The following GALNT11 variants were observed in gnomAD, a reference collection of about 807,000 sequenced individuals.
GALNT11 encodes polypeptide N-acetylgalactosaminyltransferase 11, also known as UDP-GalNAc:polypeptide N-acetylgalactosaminyltransferase 11.
Under a neutral mutation model 72.7 loss-of-function variants are expected in GALNT11, and 47 were observed. The observed-to-expected ratio is 0.65, with a 90% CI of 0.51 to 0.82. The LOEUF (loss-of-function observed/expected upper bound fraction) is 0.82, where lower values mean the gene tolerates loss of function less well. GALNT11 is among the 40% of genes least tolerant of loss of function. The pLI, the probability that GALNT11 is intolerant of heterozygous loss-of-function variation, is 0.00. For missense variants in GALNT11, 677 were observed against 778.4 expected, an observed-to-expected ratio of 0.87 and a Z score of 1.55; for synonymous variants, 270 against 286.6, an observed-to-expected ratio of 0.94 and a Z score of 0.58.
intron 7 of GALNT11, among the ~76,000 whole-genome samples, chr7:152,112,405 G>A (rs1431760772): frequency 6.6e-6 from 1 of 152,084 alleles, no homozygotes; most frequent in Non-Finnish European, 1.5e-5. Flanking sequence ...GCTGGGCGTG[G>A]TGGCGGGTGC....
chr7:152,043,540 G>C (rs988249879), intron 1 of GALNT11, among the ~76,000 whole-genome samples: 3 of 152,136 alleles, frequency 2.0e-5, no homozygotes, highest in African/African-American at 7.2e-5. Flanking sequence ...CTGTTTATCT[G>C]GGGGGTGTAC....
At chr7:152,071,882 ACTT>A (rs1387832769) in intron 1 of GALNT11, among the ~76,000 whole-genome samples, 2 of 151,988 alleles carry the variant, frequency 1.3e-5, no homozygotes, top group Non-Finnish European at 2.9e-5. Flanking sequence ...TGTCAATTAT[ACTT>A]CTTTTAAAAA....
At chr7:152,056,328 A>G (rs1342565990) in intron 1 of GALNT11, among the ~76,000 whole-genome samples, 1 of 152,226 alleles carries the variant, frequency 6.6e-6, no homozygotes, top group Non-Finnish European at 1.5e-5. Flanking sequence ...ATGGATGTTA[A>G]TAGGATCTCG....
intron 1 of GALNT11, among the ~76,000 whole-genome samples, chr7:152,029,777 C>T (rs143888727): frequency 0.012 from 1,792 of 152,360 alleles, 22 homozygotes; most frequent in Non-Finnish European, 0.017. Context: ...GAGGAACCAT[C>T]TATGGTCCTG....
chr7:152,060,493 T>C (rs2083938141), intron 1 of GALNT11, among the ~76,000 whole-genome samples: 1 of 152,018 alleles, frequency 6.6e-6, no homozygotes, highest in South Asian at 2.1e-4. Flanking sequence ...TATATATATA[T>C]ACTTTAATTT....
chr7:152,033,521 A>C (rs2082406904), intron 1 of GALNT11, among the ~76,000 whole-genome samples: 2 of 152,134 alleles, frequency 1.3e-5, no homozygotes, highest in South Asian at 4.1e-4. Flanking sequence ...TCCACGGCTG[A>C]TTGGGTAACA....
chr7:152,118,614 C>G, intron 9 of GALNT11, 64 bp from the exon 10 acceptor site: 1 of 1,471,212 alleles, frequency 6.8e-7, no homozygotes. Context: ...CTGGAACCAC[C>G]TCCAGGCTTG....
intron 1 of GALNT11, among the ~76,000 whole-genome samples, chr7:152,049,393 C>T (rs1398307108): frequency 6.6e-6 from 1 of 152,226 alleles, no homozygotes; most frequent in Non-Finnish European, 1.5e-5. Flanking sequence ...CTTATAGAGG[C>T]ACTGCCTTGA....
chr7:152,035,424 G>A (rs1310769358), intron 1 of GALNT11, among the ~76,000 whole-genome samples: 1 of 152,184 alleles, frequency 6.6e-6, no homozygotes, highest in Admixed American at 6.5e-5. Context: ...CAGGAGGCAA[G>A]GGTCAGGATA....
chr7:152,110,267 T>C (rs78814118), intron 6 of GALNT11, among the ~76,000 whole-genome samples: 1,752 of 152,266 alleles, frequency 0.012, 36 homozygotes, highest in African/African-American at 0.041. Flanking sequence ...TGGCTTTCCA[T>C]CAGAAATGGT....
intron 10 of GALNT11, chr7:152,120,484 G>C (rs996794115): frequency 9.3e-6 from 2 of 215,052 alleles, no homozygotes; most frequent in East Asian, 3.1e-4. Context: ...TCTGTCTCCA[G>C]AGGGTCAGCC....
chr7:152,082,546 A>G (rs374013046), intron 1 of GALNT11, among the ~76,000 whole-genome samples: 2 of 152,262 alleles, frequency 1.3e-5, no homozygotes, highest in African/African-American at 2.4e-5. Context: ...CTATGACCTA[A>G]TGCTTGCTTG....
At chr7:152,080,208 C>A (rs1283565517) in intron 1 of GALNT11, among the ~76,000 whole-genome samples, 1 of 152,170 alleles carries the variant, frequency 6.6e-6, no homozygotes, top group Non-Finnish European at 1.5e-5. Flanking sequence ...TTAAAATATT[C>A]TTTCGGTGTG....
intron 1 of GALNT11, among the ~76,000 whole-genome samples, chr7:152,073,219 C>T (rs1269096344): frequency 6.6e-6 from 1 of 152,122 alleles, no homozygotes; most frequent in East Asian, 1.9e-4. Flanking sequence ...CTATAGTCAT[C>T]CTAGAGTGCT....
At chr7:152,121,006 G>A (rs1248157447) in intron 11 of GALNT11, 38 bp downstream of exon 11, 1 of 1,597,576 alleles carries the variant, frequency 6.3e-7, no homozygotes, top group African/African-American at 1.4e-5. Flanking sequence ...AATGCGCAGA[G>A]GCCCACAAGG....
At chr7:152,060,719 C>T (rs1281700704) in intron 1 of GALNT11, among the ~76,000 whole-genome samples, 8 of 151,496 alleles carry the variant, frequency 5.3e-5, no homozygotes, top group East Asian at 1.9e-4. Flanking sequence ...TGAGAACATG[C>T]GGTGTTTGGT....
At chr7:152,032,972 C>T (rs189705194) in intron 1 of GALNT11, among the ~76,000 whole-genome samples, 2,056 of 152,306 alleles carry the variant, frequency 0.013, 17 homozygotes, top group Non-Finnish European at 0.021. Context: ...TGAGGACAGT[C>T]GTCCGGGACA....
intron 8 of GALNT11, 84 bp from the exon 9 acceptor site, chr7:152,117,073 A>G: frequency 3.4e-6 from 4 of 1,176,216 alleles, no homozygotes; most frequent in Non-Finnish European, 4.8e-6. Flanking sequence ...AATGGACTTA[A>G]TCGTGTAAAA....
chr7:152,031,110 T>C (rs1325926858), intron 1 of GALNT11, among the ~76,000 whole-genome samples: 2 of 152,222 alleles, frequency 1.3e-5, no homozygotes, highest in African/African-American at 4.8e-5. Flanking sequence ...CTTTCCCAGT[T>C]CTAAGGCTCA....
Sources: gnomAD v4.1 joint callset for allele counts (sites outside exome capture counted in the v4.1 genomes callset) on GRCh38, gnomAD v4.1.1 for gene constraint, MANE v1.5 for transcripts, NCBI Gene and HGNC (gene_info 2026-07-23, HGNC 2026-07-21) for gene names.